The following ZNRF3 variants were observed in gnomAD, a reference collection of about 807,000 sequenced individuals.
ZNRF3 encodes zinc and ring finger 3.
In ZNRF3, 23 loss-of-function variants were observed where a neutral mutation model predicts 72.5. The observed-to-expected ratio is 0.32, with a 90% CI of 0.23 to 0.45. ZNRF3 has a LOEUF of 0.45. Ranked by LOEUF, ZNRF3 falls within the 20% of genes least tolerant of loss-of-function variation. ZNRF3 has a pLI of 1.00. For synonymous variants in ZNRF3, 610 were observed against 545.3 expected, an observed-to-expected ratio of 1.12 and a Z score of -1.65; for missense variants, 1,169 against 1,272.1, an observed-to-expected ratio of 0.92 and a Z score of 1.23.
At chr22:28,905,287 G>A (rs2034184945) in intron 1 of ZNRF3, among the ~76,000 whole-genome samples, 1 of 152,064 alleles carries the variant, frequency 6.6e-6, no homozygotes, top group African/African-American at 2.4e-5. Flanking sequence ...TACTCTGCTT[G>A]CCTGCATTGA....
intron 2 of ZNRF3, among the ~76,000 whole-genome samples, chr22:28,997,172 C>G (rs1963740775): frequency 6.6e-6 from 1 of 152,134 alleles, no homozygotes; most frequent in Non-Finnish European, 1.5e-5. Flanking sequence ...CTCACCAGGC[C>G]TTCTCTGGTC....
intron 1 of ZNRF3, among the ~76,000 whole-genome samples, chr22:28,914,297 A>G (rs1480936047): frequency 6.6e-6 from 1 of 151,940 alleles, no homozygotes; most frequent in African/African-American, 2.4e-5. Context: ...ATGGAAGTGC[A>G]TTTTCCGGGT....
At chr22:28,993,723 C>T (rs945702068) in intron 2 of ZNRF3, among the ~76,000 whole-genome samples, 2 of 152,218 alleles carry the variant, frequency 1.3e-5, no homozygotes, top group African/African-American at 4.8e-5. Flanking sequence ...TGCTCTGTTG[C>T]CCAGGCTGGA....
chr22:28,973,662 A>G (rs1474367093), intron 1 of ZNRF3, among the ~76,000 whole-genome samples: 1 of 152,224 alleles, frequency 6.6e-6, no homozygotes, highest in African/African-American at 2.4e-5. Flanking sequence ...CTCGCTCTTA[A>G]CACTGTGTTG....
chr22:28,975,737 A>G lies in ZNRF3; in HGVS notation c.301-11339A>G, dbSNP rs577568233. On this transcript the variant is annotated intron_variant, in intron 1 of 8. Transcript: ENST00000544604. ...GGGCAACAGTGCAAGACTCTGTCTC[A>G]AGAAAAAAAAAATTACTACTTTGAG... Among the ~76,000 whole-genome samples the G allele has an allele frequency of 7.2e-5, 11 of 152,142 alleles. No homozygotes were observed. The East Asian group carries it at 1.4e-3, about 19-fold the overall frequency.
chr22:28,924,744 T>C (rs565409992), intron 1 of ZNRF3, among the ~76,000 whole-genome samples: 1 of 151,912 alleles, frequency 6.6e-6, no homozygotes, highest in Non-Finnish European at 1.5e-5. Context: ...CTCTAAAAAA[T>C]AATAATAATA....
chr22:29,020,716 G>T (rs923048150), intron 2 of ZNRF3, among the ~76,000 whole-genome samples: 4 of 151,304 alleles, frequency 2.6e-5, no homozygotes, highest in Non-Finnish European at 5.9e-5. Context: ...TGTTCTGCTG[G>T]TCTAACTTAC....
chr22:28,914,644 G>A lies in ZNRF3; in HGVS notation c.300+30578G>A, dbSNP rs533499226. Among the ~76,000 whole-genome samples, 4 of 151,734 alleles carry A rather than the reference G, an allele frequency of 2.6e-5. No homozygotes were observed. The South Asian group carries it at 8.3e-4, about 32-fold the overall frequency. ...AGCCTGACCAACATGGTGAAACCCC[G>A]TCTCTACTAAAAATACAAAATTAGC... On this transcript the variant is annotated intron_variant, in intron 1 of 8. Coordinates refer to ENST00000544604, the MANE Select transcript of ZNRF3 (RefSeq NM_001206998.2).
At chr22:28,903,003 AGT>A (rs2034136015) in intron 1 of ZNRF3, among the ~76,000 whole-genome samples, 1 of 152,090 alleles carries the variant, frequency 6.6e-6, no homozygotes, top group African/African-American at 2.4e-5. Flanking sequence ...TAACATGCTT[AGT>A]GCCTTTCTAC....
At chr22:28,934,964 G>A (rs566320143) in intron 1 of ZNRF3, among the ~76,000 whole-genome samples, 1 of 152,028 alleles carries the variant, frequency 6.6e-6, no homozygotes, top group Admixed American at 6.6e-5. Context: ...TTGCATAAAT[G>A]GGATTATCCT....
chr22:28,892,242 C>T (rs1240624456), intron 1 of ZNRF3, among the ~76,000 whole-genome samples: 1 of 152,190 alleles, frequency 6.6e-6, no homozygotes, highest in Non-Finnish European at 1.5e-5. Flanking sequence ...GCAATGAACA[C>T]AAGAGTAAGA....
At position 28,883,947 on chromosome 22, in the gene ZNRF3, G is replaced by A; in HGVS notation, c.181G>A (p.Val61Met). ...GAARAKETAF[V>M]EVVLFESSPS... Reference sequence around the variant, plus strand: ...GGCGCGGGCCAAGGAGACGGCGTTCGTGGAGGTGGTGCTGTTCGAGTCGAG... The same window carrying A: ...GGCGCGGGCCAAGGAGACGGCGTTCATGGAGGTGGTGCTGTTCGAGTCGAG... Residue 61 changes from valine to methionine, a missense_variant, in exon 1 of 9, where the codon GTG becomes ATG. By Grantham distance (21) the Val-to-Met change is conservative. This residue lies in a region of ZNRF3 where 386 missense variants were observed against 540.7 expected (regional missense o/e 0.71). Coordinates refer to ENST00000544604, the MANE Select transcript of ZNRF3 (RefSeq NM_001206998.2). This position sits in a 1 kb window ranked among gnomAD's most constrained non-coding sequence, Gnocchi z 5.5. 1 of 1,270,048 alleles carries A rather than the reference G, an allele frequency of 7.9e-7. No homozygotes were observed. The highest frequency in any genetic ancestry group is 1.0e-6 in the Non-Finnish European group (1 of 987,338). The allele number at this position is 1,270,048 out of a possible 1,614,324, so 78.7% of individuals were successfully genotyped here. A position where few individuals can be genotyped will look rare whatever the true frequency, so the allele number is the denominator to read the frequency against.
intron 1 of ZNRF3, among the ~76,000 whole-genome samples, chr22:28,917,128 C>T (rs1167150851): frequency 1.3e-5 from 2 of 152,146 alleles, no homozygotes; most frequent in Non-Finnish European, 2.9e-5. Context: ...CTAGAAGCGT[C>T]GGCCAGGTGG....
intron 1 of ZNRF3, chr22:28,986,705 G>C: frequency 1.1e-6 from 1 of 938,736 alleles, no homozygotes. Flanking sequence ...AACATAGCTA[G>C]TCTCGTCTGT....
At chr22:28,939,300 C>T (rs55723379) in intron 1 of ZNRF3, among the ~76,000 whole-genome samples, 3 of 125,522 alleles carry the variant, frequency 2.4e-5, no homozygotes, top group African/African-American at 5.5e-5. Context: ...AAAAAAAAAA[C>T]AAAACCTCAA....
At chr22:28,927,439 C>T (rs2034624768) in intron 1 of ZNRF3, among the ~76,000 whole-genome samples, 1 of 152,100 alleles carries the variant, frequency 6.6e-6, no homozygotes, top group Admixed American at 6.6e-5. Context: ...ATCCGGGAAG[C>T]CCAGAAAAAT....
chr22:28,991,279 C>CAAAAAAAAA (rs59317059), intron 2 of ZNRF3, among the ~76,000 whole-genome samples: 4 of 51,676 alleles, frequency 7.7e-5, no homozygotes, highest in African/African-American at 1.8e-4. Flanking sequence ...GACCCTCTCT[C>CAAAAAAAAA]AAAAAAAAAA....
chr22:28,961,812 A>G (rs2035364987), intron 1 of ZNRF3, among the ~76,000 whole-genome samples: 3 of 152,172 alleles, frequency 2.0e-5, no homozygotes, highest in African/African-American at 4.8e-5. Flanking sequence ...ATGTTACTTG[A>G]CCACCCACTG....
At chr22:28,914,021 G>T (rs1030333377) in intron 1 of ZNRF3, among the ~76,000 whole-genome samples, 2 of 152,192 alleles carry the variant, frequency 1.3e-5, no homozygotes, top group Admixed American at 1.3e-4. Context: ...AGACATTTTA[G>T]AGTTGGATGA....
Sources: allele counts gnomAD v4.1 joint callset (sites outside exome capture counted in the v4.1 genomes callset), GRCh38; gene constraint gnomAD v4.1.1; regional missense constraint gnomAD v4.1.1; non-coding constraint Gnocchi (gnomAD v3.1); transcripts MANE v1.5; gene names NCBI Gene and HGNC (gene_info 2026-07-23, HGNC 2026-07-21).